RNF6: variants seen among roughly 807,000 people sequenced by gnomAD.
The protein encoded by RNF6 is E3 ubiquitin-protein ligase RNF6.
Under a neutral mutation model 50.1 loss-of-function variants are expected in RNF6, and 21 were observed. The observed-to-expected ratio is 0.42, with a 90% CI of 0.30 to 0.60. The LOEUF is 0.60. Among genes scored for constraint, RNF6 ranks in the 20% least tolerant of loss-of-function variants. The pLI is 0.20. For synonymous variants in RNF6, 255 were observed against 291.8 expected (o/e 0.87, Z 1.29); for missense variants, 698 against 838.2 (o/e 0.83, Z 2.07).
chr13:26,167,985 A>G (rs551712489), intron 5 of RNF6, among the ~76,000 whole-genome samples: 2 of 152,338 alleles, frequency 1.3e-5, no homozygotes, highest in East Asian at 3.9e-4. Flanking sequence ...CACAAGTGGG[A>G]GCTAAATGAT....
intron 5 of RNF6, among the ~76,000 whole-genome samples, chr13:26,198,339 A>C (rs1868759158): frequency 1.3e-5 from 2 of 151,884 alleles, no homozygotes; most frequent in South Asian, 4.1e-4. Flanking sequence ...TGGTTCTACC[A>C]TCAACTGATT....
At chr13:26,157,076 G>A (rs73482854) in intron 5 of RNF6, among the ~76,000 whole-genome samples, 3 of 152,122 alleles carry the variant, frequency 2.0e-5, no homozygotes, top group Non-Finnish European at 2.9e-5. Context: ...CTGGGGAAAC[G>A]GGGAATGACT....
At chr13:26,162,457 CAT>C (rs2137612526) in intron 5 of RNF6, among the ~76,000 whole-genome samples, 1 of 152,366 alleles carries the variant, frequency 6.6e-6, no homozygotes, top group South Asian at 2.1e-4. Context: ...CTGTAAGACA[CAT>C]GAGTACAGTA....
In RNF6 at chr13:26,166,093, C is replaced by A. The variant is rs539210387; in HGVS notation, n.769-33642G>T. On this transcript the variant is annotated intron_variant and non_coding_transcript_variant, in intron 5 of 5. Coordinates refer to the RNF6 transcript ENST00000468480. ...GAGGTAATTGAATCACAGGGGCAGG[C>A]CTTTCCTGTGCTTTTCTAGTGATAG... Among the ~76,000 whole-genome samples the A allele has an allele frequency of 2.0e-5, 3 of 152,112 alleles. No individual in the cohort carries two copies. In the East Asian group the frequency reaches 5.8e-4, roughly 29 times the overall value.
chr13:26,187,109 C>T (rs993303574), intron 5 of RNF6, among the ~76,000 whole-genome samples: 1 of 151,938 alleles, frequency 6.6e-6, no homozygotes, highest in East Asian at 1.9e-4. Context: ...CCTTGCTTGG[C>T]CTGAGGTCCG....
At chr13:26,132,997 T>C (rs1870472219) in intron 5 of RNF6, among the ~76,000 whole-genome samples, 1 of 152,178 alleles carries the variant, frequency 6.6e-6, no homozygotes, top group Non-Finnish European at 1.5e-5. Context: ...GATCAGACTT[T>C]GAAAACCACT....
chr13:26,173,279 G>T (rs112291698), intron 5 of RNF6, among the ~76,000 whole-genome samples: 1 of 152,166 alleles, frequency 6.6e-6, no homozygotes, highest in Non-Finnish European at 1.5e-5. Context: ...CATTTCAGCC[G>T]TGCTTGTAAC....
At chr13:26,206,385 C>T (rs531123708) in intron 5 of RNF6, among the ~76,000 whole-genome samples, 2 of 152,242 alleles carry the variant, frequency 1.3e-5, no homozygotes, top group South Asian at 4.1e-4. Context: ...AGCAGGCTGT[C>T]GAATTTGAAA....
intron 5 of RNF6, among the ~76,000 whole-genome samples, chr13:26,163,036 C>T (rs1215018937): frequency 1.3e-5 from 2 of 152,046 alleles, no homozygotes; most frequent in African/African-American, 4.8e-5. Context: ...TGTGGCCGGG[C>T]GCGGTGGCTC....
At chr13:26,156,909 A>C (rs1871954787) in intron 5 of RNF6, among the ~76,000 whole-genome samples, 1 of 152,200 alleles carries the variant, frequency 6.6e-6, no homozygotes, top group African/African-American at 2.4e-5. Context: ...ATTACAAATT[A>C]GTTGGGGGTG....
chr13:26,162,069 T>C (rs560955856), intron 5 of RNF6, among the ~76,000 whole-genome samples: 89 of 152,354 alleles, frequency 5.8e-4, no homozygotes, highest in African/African-American at 1.9e-3. Flanking sequence ...AAAACTCTTC[T>C]GACTGGGGAG....
Position 26,212,998 on chromosome 13 carries a change from G to A in RNF6, c.*826C>T, listed in dbSNP as rs994516703. The A allele has an allele frequency of 2.0e-5, 3 of 152,380 alleles. No individual in the cohort carries two copies. The highest frequency in any genetic ancestry group is 7.3e-5 in the African/African-American group (3 of 41,374). The allele number at this position is 152,380 out of a possible 1,614,324, so 9.4% of individuals were successfully genotyped here. On this transcript the variant is annotated 3_prime_UTR_variant, in exon 5 of 5. Coordinates refer to ENST00000381588, the MANE Select transcript of RNF6 (RefSeq NM_005977.4). ...TGTATACCTTATTTAATAATCCAAA[G>A]AATTGTTTGCACTTTCAAAAAAGTT...
intron 5 of RNF6, among the ~76,000 whole-genome samples, chr13:26,158,889 T>C (rs150873384): frequency 2.0e-4 from 31 of 152,346 alleles, no homozygotes; most frequent in Middle Eastern, 3.4e-3. Context: ...TTGAACTTCT[T>C]TTCTACCATC....
intron 5 of RNF6, among the ~76,000 whole-genome samples, chr13:26,204,496 C>CAAAAAAAAAAA (rs71080239): frequency 2.9e-5 from 2 of 68,962 alleles, no homozygotes; most frequent in South Asian, 5.0e-4. Flanking sequence ...GACTCCACCT[C>CAAAAAAAAAAA]AAAAAAAAAA....
intron 5 of RNF6, among the ~76,000 whole-genome samples, chr13:26,169,493 C>A (rs1023525982): frequency 6.6e-6 from 1 of 152,166 alleles, no homozygotes; most frequent in Non-Finnish European, 1.5e-5. Flanking sequence ...AGACTACAGG[C>A]CCCTGACCTA....
downstream of RNF6, among the ~76,000 whole-genome samples, chr13:26,211,197 A>C (rs921781571): frequency 1.3e-5 from 2 of 152,336 alleles, no homozygotes; most frequent in Admixed American, 6.5e-5. Context: ...CAACTGGGTT[A>C]TCAATTTATG....
chr13:26,149,070 A>G (rs1372825445), intron 5 of RNF6: 1 of 152,140 alleles, frequency 6.6e-6, no homozygotes, highest in Non-Finnish European at 1.5e-5. Flanking sequence ...TCATCCAAAA[A>G]TAGCCTCACA....
At chr13:26,188,524 C>T (rs1873660073) in intron 5 of RNF6, among the ~76,000 whole-genome samples, 1 of 149,854 alleles carries the variant, frequency 6.7e-6, no homozygotes. Context: ...AAGCCAGAAG[C>T]AGGTGACACA....
intron 3 of RNF6, among the ~76,000 whole-genome samples, chr13:26,219,098 GAATA>G (rs1443098563): frequency 6.6e-6 from 1 of 151,970 alleles, no homozygotes; most frequent in Non-Finnish European, 1.5e-5. Context: ...TAATTCAGCT[GAATA>G]AATAAATTAT....
Sources: allele counts gnomAD v4.1 joint callset (sites outside exome capture counted in the v4.1 genomes callset), GRCh38; gene constraint gnomAD v4.1.1; transcripts MANE v1.5; gene names NCBI Gene and HGNC (gene_info 2026-07-23, HGNC 2026-07-21).